PRKAG2: variants seen among roughly 807,000 people sequenced by gnomAD.
PRKAG2 encodes 5'-AMP-activated protein kinase subunit gamma-2.
A neutral mutation model predicts 69.6 loss-of-function variants in PRKAG2; 26 were observed. That is an observed-to-expected ratio of 0.37 (90% CI 0.27 to 0.52). The LOEUF is 0.52. Among genes scored for constraint, PRKAG2 ranks in the 20% least tolerant of loss-of-function variants. The probability of loss-of-function intolerance (pLI) is 0.90; values close to 1 mark genes in which losing one functional copy is unlikely to be tolerated. For missense variants in PRKAG2, 557 were observed against 740.0 expected, an observed-to-expected ratio of 0.75 and a Z score of 2.87; for synonymous variants, 293 against 285.0, an observed-to-expected ratio of 1.03 and a Z score of -0.28.
chr7:151,619,694 G>A (rs1005789060), intron 5 of PRKAG2, among the ~76,000 whole-genome samples: 2 of 152,142 alleles, frequency 1.3e-5, no homozygotes, highest in African/African-American at 4.8e-5. Context: ...ATCTCATTAT[G>A]TATATGCAAA....
intron 1 of PRKAG2, among the ~76,000 whole-genome samples, chr7:151,869,651 C>T (rs1046054656): frequency 1.3e-5 from 2 of 152,256 alleles, no homozygotes; most frequent in South Asian, 2.1e-4. Context: ...GAAGTGATCA[C>T]GCATCACTGT....
intron 5 of PRKAG2, among the ~76,000 whole-genome samples, chr7:151,610,896 C>T (rs766029974): frequency 5.3e-5 from 8 of 151,418 alleles, no homozygotes; most frequent in Non-Finnish European, 8.8e-5. Context: ...GGATTTCAGG[C>T]GCCCACCCCC....
At position 151,678,890 on chromosome 7, in the gene PRKAG2, C is replaced by T. The variant is rs1314765193; in HGVS notation, c.467-3253G>A. Among the ~76,000 whole-genome samples, 4 of 151,982 alleles carry T rather than the reference C, an allele frequency of 2.6e-5. 1 individual carries two copies. Among genetic ancestry groups the T allele is most frequent in the South Asian group, 4.2e-4 (2 of 4,810 alleles). ...AGGAGAATCGCTTGAACCCAAGAGG[C>T]GGAGGTTGCAGTGAGCTGAGATTGT... On this transcript the variant is annotated intron_variant, in intron 3 of 15. Coordinates refer to ENST00000287878, the MANE Select transcript of PRKAG2 (RefSeq NM_016203.4).
At chr7:151,706,561 G>A (rs147443994) in intron 3 of PRKAG2, among the ~76,000 whole-genome samples, 3 of 152,272 alleles carry the variant, frequency 2.0e-5, no homozygotes, top group East Asian at 3.9e-4. Context: ...GCCAGAGTAC[G>A]AGCAACCAGC....
At chr7:151,659,914 C>T (rs1481968806) in intron 4 of PRKAG2, among the ~76,000 whole-genome samples, 1 of 152,194 alleles carries the variant, frequency 6.6e-6, no homozygotes, top group Non-Finnish European at 1.5e-5. Flanking sequence ...TATTTCTCTG[C>T]CAGGCGTGGT....
rs1453429686 is a variant in PRKAG2, at chr7:151,637,965, G to A, written c.685-5827C>T. Among the ~76,000 whole-genome samples, 10 of 152,260 alleles carry A rather than the reference G, an allele frequency of 6.6e-5. No individual in the cohort carries two copies. The South Asian group carries it at 2.1e-3, about 32-fold the overall frequency. ...GAAGAGGCGAAGGGAGGGGAAGGGC[G>A]TGGGCAATGTCATGCAAGCAAAGGG... On this transcript the variant is annotated intron_variant, in intron 4 of 15. Coordinates refer to ENST00000287878, the MANE Select transcript of PRKAG2 (RefSeq NM_016203.4).
chr7:151,818,659 T>A (rs1175483432), intron 1 of PRKAG2, among the ~76,000 whole-genome samples: 3 of 152,216 alleles, frequency 2.0e-5, no homozygotes, highest in Non-Finnish European at 4.4e-5. Context: ...TCCTGCAAGA[T>A]CTGTGCAGGG....
chr7:151,670,087 C>T (rs1208172141), intron 4 of PRKAG2, among the ~76,000 whole-genome samples: 2 of 144,742 alleles, frequency 1.4e-5, no homozygotes, highest in Non-Finnish European at 3.0e-5. Context: ...TGCATGCACA[C>T]ATACCTGCAT....
intron 1 of PRKAG2, among the ~76,000 whole-genome samples, chr7:151,866,511 G>T (rs1383198413): frequency 6.6e-6 from 1 of 152,138 alleles, no homozygotes; most frequent in Non-Finnish European, 1.5e-5. Context: ...AGCTCAATCT[G>T]TTGAAAACCA....
intron 1 of PRKAG2, among the ~76,000 whole-genome samples, chr7:151,875,005 T>C (rs577675884): frequency 5.6e-4 from 85 of 152,382 alleles, no homozygotes; most frequent in African/African-American, 2.0e-3. Context: ...GAAACAGTAG[T>C]TACACGGTTA....
chr7:151,764,578 G>T (rs1037573889), intron 3 of PRKAG2, among the ~76,000 whole-genome samples: 3 of 152,216 alleles, frequency 2.0e-5, no homozygotes, highest in Non-Finnish European at 1.5e-5. Context: ...GTGCCTAGAG[G>T]CATCCCAGGA....
intron 5 of PRKAG2, among the ~76,000 whole-genome samples, chr7:151,612,172 G>T (rs923315956): frequency 6.6e-6 from 1 of 152,178 alleles, no homozygotes; most frequent in Non-Finnish European, 1.5e-5. Flanking sequence ...CAGAGAGAAA[G>T]AGGAGAGTTG....
At chr7:151,629,471 T>A (rs111644806) in intron 5 of PRKAG2, among the ~76,000 whole-genome samples, 2 of 152,092 alleles carry the variant, frequency 1.3e-5, no homozygotes, top group African/African-American at 4.8e-5. Context: ...GACCTTCCCA[T>A]AGAGGAGTGA....
intron 14 of PRKAG2, among the ~76,000 whole-genome samples, chr7:151,561,930 C>CT (rs1805067515): frequency 1.0e-5 from 1 of 96,278 alleles, no homozygotes; most frequent in Non-Finnish European, 1.9e-5. Context: ...GAGACTGTGT[C>CT]TTAAAAAAAA....
chr7:151,587,127 C>T (rs547053142), intron 6 of PRKAG2, among the ~76,000 whole-genome samples: 7 of 152,222 alleles, frequency 4.6e-5, no homozygotes, highest in African/African-American at 4.8e-5. Flanking sequence ...GGCGACAGAG[C>T]GAGACTCTGC....
intron 3 of PRKAG2, among the ~76,000 whole-genome samples, chr7:151,716,235 T>A (rs1586010721): frequency 6.6e-6 from 1 of 152,186 alleles, no homozygotes; most frequent in Non-Finnish European, 1.5e-5. Flanking sequence ...GAACCTGAGG[T>A]GCCCTTGGCC....
chr7:151,713,703 C>T (rs1425545409), intron 3 of PRKAG2, among the ~76,000 whole-genome samples: 1 of 151,854 alleles, frequency 6.6e-6, no homozygotes, highest in Non-Finnish European at 1.5e-5. Flanking sequence ...CCTCAGCTTC[C>T]TGAGTAGCTG....
intron 15 of PRKAG2, chr7:151,557,701 C>A (rs974158267): frequency 4.0e-5 from 20 of 498,172 alleles, no homozygotes; most frequent in African/African-American, 4.2e-5. Flanking sequence ...GAAACCCTGT[C>A]TCTACTAAAA....
intron 4 of PRKAG2, among the ~76,000 whole-genome samples, chr7:151,650,364 G>A (rs1828282563): frequency 6.6e-6 from 1 of 152,052 alleles, no homozygotes; most frequent in African/African-American, 2.4e-5. Flanking sequence ...TGAGAAGTGG[G>A]CAATTACGCA....
Sources: gnomAD v4.1 joint callset for allele counts (sites outside exome capture counted in the v4.1 genomes callset) on GRCh38, gnomAD v4.1.1 for gene constraint, MANE v1.5 for transcripts, NCBI Gene and HGNC (gene_info 2026-07-23, HGNC 2026-07-21) for gene names.